Variants in ATRNL1 observed in about 807,000 individuals in gnomAD.
ATRNL1 encodes the protein attractin like 1.
In ATRNL1, 95 loss-of-function variants were observed where a neutral mutation model predicts 182.7. That is an observed-to-expected ratio of 0.52 (90% CI 0.44 to 0.62). ATRNL1 has a LOEUF of 0.62. Ranked by LOEUF, ATRNL1 falls within the 20% of genes least tolerant of loss-of-function variation. ATRNL1 has a pLI of 0.00. For missense variants in ATRNL1, 1,471 were observed against 1,679.5 expected (o/e 0.88, Z 2.17); for synonymous variants, 576 against 568.3 (o/e 1.01, Z -0.19).
At chr10:115,138,388 A>G (rs558073035) in intron 5 of ATRNL1, among the ~76,000 whole-genome samples, 93 of 152,324 alleles carry the variant, frequency 6.1e-4, no homozygotes, top group African/African-American at 2.0e-3. Flanking sequence ...CTGCCCTAGC[A>G]GAGGTTCTCC....
chr10:115,308,463 A>G (rs1315007307), intron 17 of ATRNL1, among the ~76,000 whole-genome samples: 1 of 152,120 alleles, frequency 6.6e-6, no homozygotes, highest in African/African-American at 2.4e-5. Flanking sequence ...TTTTTTCAGT[A>G]TTTGTAAGTT....
intron 21 of ATRNL1, among the ~76,000 whole-genome samples, chr10:115,440,639 T>C (rs1565045409): frequency 6.7e-6 from 1 of 148,180 alleles, no homozygotes; most frequent in South Asian, 2.2e-4. Context: ...ATTATAGTTA[T>C]CAGTCCTTAG....
intron 25 of ATRNL1, among the ~76,000 whole-genome samples, chr10:115,532,699 G>T (rs530448695): frequency 3.4e-5 from 5 of 148,810 alleles, no homozygotes; most frequent in Non-Finnish European, 7.5e-5. Flanking sequence ...TCCCTGTCTT[G>T]TGCCAGTTTT....
intron 26 of ATRNL1, among the ~76,000 whole-genome samples, chr10:115,564,477 A>G (rs1445208514): frequency 2.0e-5 from 3 of 151,892 alleles, no homozygotes; most frequent in Admixed American, 6.6e-5. Flanking sequence ...TAATAGATGT[A>G]TGTTTTTCCT....
intron 13 of ATRNL1, among the ~76,000 whole-genome samples, chr10:115,279,776 A>G (rs556332387): frequency 2.6e-5 from 4 of 152,168 alleles, no homozygotes; most frequent in South Asian, 4.1e-4. Context: ...TCAATTTCCA[A>G]TTGGTTATTG....
At chr10:115,929,291 G>T (rs1953326546) in intron 28 of ATRNL1, among the ~76,000 whole-genome samples, 1 of 151,986 alleles carries the variant, frequency 6.6e-6, no homozygotes, top group Non-Finnish European at 1.5e-5. Flanking sequence ...ATCAAAATTT[G>T]CAAGGTTCAT....
chr10:115,719,609 GC>G (rs1555057242), intron 26 of ATRNL1, among the ~76,000 whole-genome samples: 1 of 152,042 alleles, frequency 6.6e-6, no homozygotes, highest in African/African-American at 2.4e-5. Context: ...CTCAGTGTTA[GC>G]AAACATTAGA....
intron 27 of ATRNL1, among the ~76,000 whole-genome samples, chr10:115,817,722 A>G (rs1355489256): frequency 6.6e-6 from 1 of 151,850 alleles, no homozygotes; most frequent in African/African-American, 2.4e-5. Flanking sequence ...CGCTGAATTA[A>G]CACTTAGCAT....
At chr10:115,458,361 A>G (rs585348) in intron 21 of ATRNL1, among the ~76,000 whole-genome samples, 4,067 of 152,234 alleles carry the variant, frequency 0.027, 215 homozygotes, top group African/African-American at 0.094. Context: ...TTTTGTGTAG[A>G]AGTCTAAATT....
At chr10:115,221,755 TG>T (rs1849474897) in intron 9 of ATRNL1, among the ~76,000 whole-genome samples, 1 of 152,162 alleles carries the variant, frequency 6.6e-6, no homozygotes, top group Non-Finnish European at 1.5e-5. Flanking sequence ...GGATTTAGTC[TG>T]GCCCCTGAGA....
chr10:115,931,364 A>C (rs538045487), intron 28 of ATRNL1, among the ~76,000 whole-genome samples: 261 of 152,282 alleles, frequency 1.7e-3, no homozygotes, highest in Admixed American at 3.5e-3. Context: ...AATGCCTCTA[A>C]AGTATAATGA....
chr10:115,118,268 CTT>C (rs1400389165), intron 1 of ATRNL1, among the ~76,000 whole-genome samples: 4 of 152,084 alleles, frequency 2.6e-5, no homozygotes, highest in Non-Finnish European at 5.9e-5. Flanking sequence ...CTCAAGAAAT[CTT>C]TGCCCAGTCC....
intron 25 of ATRNL1, among the ~76,000 whole-genome samples, chr10:115,533,282 G>A (rs1385779350): frequency 6.6e-6 from 1 of 151,910 alleles, no homozygotes; most frequent in Non-Finnish European, 1.5e-5. Flanking sequence ...GTTTCAGATG[G>A]TGTTATTGGT....
chr10:115,760,082 A>C (rs1948698210), intron 27 of ATRNL1, among the ~76,000 whole-genome samples: 1 of 151,712 alleles, frequency 6.6e-6, no homozygotes, highest in South Asian at 2.1e-4. Flanking sequence ...CAAAACAAAG[A>C]ACTATATATA....
chr10:115,214,170 G>A (rs1554895672), intron 8 of ATRNL1, among the ~76,000 whole-genome samples: 1 of 151,858 alleles, frequency 6.6e-6, no homozygotes. Context: ...AACAAATTGT[G>A]AAATGTACCT....
At chr10:115,133,015 G>A (rs1360159995) in intron 5 of ATRNL1, among the ~76,000 whole-genome samples, 4 of 152,190 alleles carry the variant, frequency 2.6e-5, no homozygotes, top group African/African-American at 7.2e-5. Context: ...CCATGCCTAT[G>A]TCCTGAATGG....
chr10:115,579,245 T>C (rs1388207486), intron 26 of ATRNL1, among the ~76,000 whole-genome samples: 1 of 151,842 alleles, frequency 6.6e-6, no homozygotes, highest in African/African-American at 2.4e-5. Flanking sequence ...TGTTCCTTTA[T>C]TGAATTTTCA....
chr10:115,756,130 T>C (rs76372187), intron 27 of ATRNL1, among the ~76,000 whole-genome samples: 3 of 152,174 alleles, frequency 2.0e-5, no homozygotes, highest in Non-Finnish European at 2.9e-5. Flanking sequence ...CCTCGATTCA[T>C]TGATTTTTTT....
At chr10:115,719,544 T>G (rs1593118946) in intron 26 of ATRNL1, among the ~76,000 whole-genome samples, 1 of 152,334 alleles carries the variant, frequency 6.6e-6, no homozygotes, top group South Asian at 2.1e-4. Context: ...AGTGTTTCAC[T>G]TAGACTAAAA....
Sources: allele counts gnomAD v4.1 joint callset (sites outside exome capture counted in the v4.1 genomes callset), GRCh38; gene constraint gnomAD v4.1.1; transcripts MANE v1.5; gene names NCBI Gene and HGNC (gene_info 2026-07-23, HGNC 2026-07-21).